The following UBOX5 variants were observed in gnomAD, a reference collection of about 807,000 sequenced individuals.
UBOX5 encodes the protein U-box domain containing 5, also known as RING finger protein 37.
UBOX5 carries 28 observed loss-of-function variants against 39.0 expected under a neutral mutation model. The ratio of observed to expected loss-of-function variants is 0.72; its 90% confidence interval spans 0.53 to 0.98. The LOEUF (loss-of-function observed/expected upper bound fraction) is 0.98. Ranked by LOEUF, UBOX5 falls within the 50% of genes least tolerant of loss-of-function variation. The probability of loss-of-function intolerance (pLI) is 0.00; values close to 1 mark genes in which losing one functional copy is unlikely to be tolerated. For synonymous variants in UBOX5, 283 were observed against 275.5 expected, an observed-to-expected ratio of 1.03 and a Z score of -0.27; for missense variants, 585 against 674.4, an observed-to-expected ratio of 0.87 and a Z score of 1.47.
intron 1 of UBOX5, chr20:3,148,286 A>T: frequency 6.2e-7 from 1 of 1,611,652 alleles, no homozygotes; most frequent in African/African-American, 1.3e-5. Flanking sequence ...AAAAATGTTT[A>T]AAAACCTAGG....
chr20:3,156,649 G>A (rs747225538), intron 1 of UBOX5: 1 of 152,250 alleles, frequency 6.6e-6, no homozygotes, highest in African/African-American at 2.4e-5. Flanking sequence ...AAACCTCCCT[G>A]AATGATGTGA....
intron 1 of UBOX5, among the ~76,000 whole-genome samples, chr20:3,143,330 G>C (rs1012783827): frequency 6.6e-6 from 1 of 151,762 alleles, no homozygotes; most frequent in African/African-American, 2.4e-5. Context: ...TCAAACTCCT[G>C]GCCTCAAGTG....
chr20:3,131,195 T>C lies in UBOX5; in HGVS notation c.-41-7789A>G, dbSNP rs547632916. 7.3e-5 allele frequency among the ~76,000 whole-genome samples: 11 copies of C among 151,488 alleles called. No individual in the cohort carries two copies. In the South Asian group the frequency reaches 1.3e-3, roughly 17 times the overall value. On this transcript the variant is annotated intron_variant, in intron 1 of 4. Coordinates refer to ENST00000217173, the MANE Select transcript of UBOX5 (RefSeq NM_014948.4). The stretch of plus-strand genomic sequence containing the variant: ...AGTGAGCCGAGATCATGCCACTGCA[T>C]TCCAGCCTGGGCAACAGAGTGAGAC...
At chr20:3,113,871 T>A (rs1337325807) in intron 4 of UBOX5, among the ~76,000 whole-genome samples, 1 of 152,176 alleles carries the variant, frequency 6.6e-6, no homozygotes, top group African/African-American at 2.4e-5. Context: ...TGATGGCTCA[T>A]GCCTGTATTC....
At chr20:3,144,239 T>G (rs986216961) in intron 1 of UBOX5, among the ~76,000 whole-genome samples, 1 of 151,984 alleles carries the variant, frequency 6.6e-6, no homozygotes, top group Non-Finnish European at 1.5e-5. Flanking sequence ...TATTGAAAAA[T>G]AACAAAGTTG....
chr20:3,155,989 T>C (rs1018015324), intron 1 of UBOX5, among the ~76,000 whole-genome samples: 2 of 152,192 alleles, frequency 1.3e-5, no homozygotes, highest in African/African-American at 4.8e-5. Context: ...ACAAGGAAGA[T>C]ACAGAAGCAG....
chr20:3,129,750 T>C (rs753614528), intron 1 of UBOX5, among the ~76,000 whole-genome samples: 1 of 152,222 alleles, frequency 6.6e-6, no homozygotes, highest in Non-Finnish European at 1.5e-5. Flanking sequence ...AGAAGAGTTG[T>C]TTATCGCAAG....
intron 4 of UBOX5, among the ~76,000 whole-genome samples, chr20:3,111,910 G>A (rs1406226949): frequency 6.6e-6 from 1 of 152,172 alleles, no homozygotes; most frequent in Non-Finnish European, 1.5e-5. Flanking sequence ...CGGGCACCAG[G>A]CACCAAAGAA....
chr20:3,134,512 C>G (rs190191124), intron 1 of UBOX5, among the ~76,000 whole-genome samples: 1 of 143,924 alleles, frequency 6.9e-6, no homozygotes, highest in East Asian at 2.1e-4. Context: ...GAGCTAAGTT[C>G]GCACCATTGC....
chr20:3,132,007 C>CAA lies in UBOX5; in HGVS notation c.-41-8603_-41-8602dup, dbSNP rs35711232. Among the ~76,000 whole-genome samples, 217 of 51,870 alleles carry CAA rather than the reference C, an allele frequency of 4.2e-3. 4 individuals are homozygous for CAA. Among genetic ancestry groups the CAA allele is most frequent in the Admixed American group, 6.5e-3 (25 of 3,872 alleles). 34.0% of individuals were successfully genotyped at this position (51,870 alleles called of 152,430 possible). A position where few individuals can be genotyped will look rare whatever the true frequency, so the allele number is the denominator to read the frequency against. ...TGGGCAATAGAGTGAGACACTGTCT[C>CAA]AAAAAAAAAAAAAAAAAAAAAACTG... On this transcript the variant is annotated intron_variant, in intron 1 of 4. Transcript: ENST00000217173.
At chr20:3,117,549 C>G (rs958923546) in intron 3 of UBOX5, among the ~76,000 whole-genome samples, 4 of 151,952 alleles carry the variant, frequency 2.6e-5, no homozygotes, top group African/African-American at 9.7e-5. Flanking sequence ...CCGGGTGTGG[C>G]GGCATGTGCC....
chr20:3,147,420 T>C, intron 1 of UBOX5: 2 of 1,614,162 alleles, frequency 1.2e-6, no homozygotes, highest in Non-Finnish European at 1.7e-6. Flanking sequence ...TTCATATCCT[T>C]CTCTGCTAAA....
At position 3,146,829 on chromosome 20, in the gene UBOX5, G is replaced by A. The variant is rs368561803; in HGVS notation, c.-42+12937C>T. On this transcript the variant is annotated intron_variant, in intron 1 of 4. Transcript: ENST00000217173. ...TGAAGAAACGCCAACTTTTCTAAGC[G>A]AGTTCGTTTCAGTAGTGGGAGCCAT... 2.1e-5 allele frequency: 34 copies of A among 1,614,164 alleles called. No individual in the cohort carries two copies. The Middle Eastern group carries it at 6.6e-4, about 31-fold the overall frequency.
chr20:3,139,383 TTTTA>T (rs112252385), intron 1 of UBOX5, among the ~76,000 whole-genome samples: 3 of 151,650 alleles, frequency 2.0e-5, no homozygotes, highest in Admixed American at 6.6e-5. Flanking sequence ...TATTTTTAAT[TTTTA>T]TTTATTTATT....
chr20:3,158,488 A>T (rs988373149), intron 1 of UBOX5, among the ~76,000 whole-genome samples: 3 of 152,176 alleles, frequency 2.0e-5, no homozygotes, highest in African/African-American at 7.2e-5. Flanking sequence ...TTATTCATTT[A>T]TTTGAGACGG....
intron 1 of UBOX5, among the ~76,000 whole-genome samples, chr20:3,140,130 T>G (rs553008133): frequency 1.3e-5 from 2 of 148,772 alleles, no homozygotes; most frequent in Non-Finnish European, 3.0e-5. Flanking sequence ...CAAGCGATTG[T>G]CCTGTCTCAG....
intron 4 of UBOX5, among the ~76,000 whole-genome samples, chr20:3,112,121 C>T (rs2422846): frequency 0.74 from 109,556 of 147,558 alleles, 41,969 homozygotes; most frequent in East Asian, 0.99. Flanking sequence ...TGAACCTCTA[C>T]AGGGAAGGGA....
At position 3,121,728 on chromosome 20, in the gene UBOX5, C is replaced by T. The variant is rs1333783497; in HGVS notation, c.911G>A (p.Ser304Asn). The change falls in exon 3 of 5, where the codon AGT becomes AAT. Residue 304 changes from serine (S) to asparagine (N), a missense_variant. Transcript: ENST00000217173. ...AAAAGCTACCCCCGTGAAAGGGTCA[C>T]TGGGCACTCGGCCCCATGTGGCTTC... ...RSEATWGRVP[S>N]DPFTGVAFTP... 6.2e-7 allele frequency: 1 copy of T among 1,613,992 alleles called. No individual in the cohort carries two copies. Among genetic ancestry groups the T allele is most frequent in the Non-Finnish European group, 8.5e-7 (1 of 1,180,026 alleles).
At chr20:3,146,767 A>T in intron 1 of UBOX5, 1 of 1,609,784 alleles carries the variant, frequency 6.2e-7, no homozygotes, top group Non-Finnish European at 8.5e-7. Flanking sequence ...AAATGCCCCT[A>T]AATGCCCTTC....
Sources: gnomAD v4.1 joint callset for allele counts (sites outside exome capture counted in the v4.1 genomes callset) on GRCh38, gnomAD v4.1.1 for gene constraint, MANE v1.5 for transcripts, NCBI Gene and HGNC (gene_info 2026-07-23, HGNC 2026-07-21) for gene names.